Variants in GLCCI1 observed in about 807,000 individuals in gnomAD.
GLCCI1 encodes glucocorticoid-induced transcript 1 protein.
A neutral mutation model predicts 52.2 loss-of-function variants in GLCCI1; 24 were observed. That is an observed-to-expected ratio of 0.46 (90% CI 0.33 to 0.65). The LOEUF is 0.65. Ranked by LOEUF, GLCCI1 falls within the 30% of genes least tolerant of loss-of-function variation. GLCCI1 has a pLI of 0.02. For synonymous variants in GLCCI1, 310 were observed against 276.5 expected, an observed-to-expected ratio of 1.12 and a Z score of -1.20; for missense variants, 704 against 701.5, an observed-to-expected ratio of 1.00 and a Z score of -0.04.
At chr7:8,050,263 A>G (rs990907244) in intron 3 of GLCCI1, among the ~76,000 whole-genome samples, 2 of 152,270 alleles carry the variant, frequency 1.3e-5, no homozygotes, top group South Asian at 4.1e-4. Flanking sequence ...GTTTGTGTGC[A>G]TGTGTTGAAT....
intron 1 of GLCCI1, among the ~76,000 whole-genome samples, chr7:7,978,199 A>C (rs572774122): frequency 6.6e-6 from 1 of 152,312 alleles, no homozygotes; most frequent in South Asian, 2.1e-4. Context: ...TTCCTTTCAC[A>C]TGAAATTTCA....
At chr7:7,989,572 C>A (rs1246502671) in intron 1 of GLCCI1, among the ~76,000 whole-genome samples, 1 of 152,030 alleles carries the variant, frequency 6.6e-6, no homozygotes, top group Non-Finnish European at 1.5e-5. Context: ...CTACTTGAGG[C>A]TCTTCCCAAA....
intron 3 of GLCCI1, among the ~76,000 whole-genome samples, chr7:8,031,134 G>C (rs1360996819): frequency 6.6e-6 from 1 of 152,120 alleles, no homozygotes; most frequent in African/African-American, 2.4e-5. Context: ...TTTGGAAGCA[G>C]CCTAAGTGTC....
rs1189206828 is a variant in GLCCI1 at position 8,060,229 on chromosome 7, G to A, written c.947G>A (p.Gly316Glu). 2.5e-6 allele frequency: 4 copies of A among 1,611,058 alleles called. No homozygotes were observed. In the East Asian group the frequency reaches 8.9e-5, roughly 36 times the overall value. ...LEKVFIKENN[G>E]KEEVSKPLDI... Reference sequence around the variant, plus strand: ...AAGGTATTCATTAAAGAAAATAATGGGAAGGAAGAAGTATCCAAGGTAAGG... The same window carrying A: ...AAGGTATTCATTAAAGAAAATAATGAGAAGGAAGAAGTATCCAAGGTAAGG... Residue 316 changes from glycine to glutamate, a missense_variant, in exon 5 of 8, where the codon GGG (glycine) becomes GAG (glutamate). By Grantham distance (98) the Gly-to-Glu change is moderately conservative. Transcript: ENST00000223145.
At chr7:7,985,956 A>T (rs1780718391) in intron 1 of GLCCI1, among the ~76,000 whole-genome samples, 1 of 152,202 alleles carries the variant, frequency 6.6e-6, no homozygotes, top group Non-Finnish European at 1.5e-5. Flanking sequence ...GCTGGAAATG[A>T]GTATTTTTAT....
At chr7:8,073,944 C>T (rs1365962546) in intron 6 of GLCCI1, among the ~76,000 whole-genome samples, 1 of 152,034 alleles carries the variant, frequency 6.6e-6, no homozygotes, top group African/African-American at 2.4e-5. Context: ...TACAAGGTTT[C>T]TAGTTCTCAA....
At chr7:8,000,674 G>T (rs1781034479) in intron 1 of GLCCI1, among the ~76,000 whole-genome samples, 1 of 151,706 alleles carries the variant, frequency 6.6e-6, no homozygotes, top group Admixed American at 6.6e-5. Context: ...GCAGAAGGGG[G>T]TCATAATATT....
intron 3 of GLCCI1, among the ~76,000 whole-genome samples, chr7:8,046,444 C>G (rs1054927635): frequency 1.2e-4 from 18 of 152,196 alleles, no homozygotes; most frequent in Non-Finnish European, 1.8e-4. Context: ...CAGCATTTAA[C>G]ATCAACACAG....
At chr7:8,015,804 T>G (rs951628361) in intron 2 of GLCCI1, among the ~76,000 whole-genome samples, 5 of 152,256 alleles carry the variant, frequency 3.3e-5, no homozygotes, top group Admixed American at 6.5e-5. Context: ...TAATACGTTA[T>G]GTGTTCATTT....
chr7:8,054,186 C>G (rs1422005271), intron 3 of GLCCI1, among the ~76,000 whole-genome samples: 2 of 151,952 alleles, frequency 1.3e-5, no homozygotes, highest in Non-Finnish European at 2.9e-5. Context: ...AATCCTATTT[C>G]TTTTTTATCA....
At chr7:8,028,700 G>C (rs1781681174) in intron 3 of GLCCI1, among the ~76,000 whole-genome samples, 1 of 151,286 alleles carries the variant, frequency 6.6e-6, no homozygotes, top group Admixed American at 6.6e-5. Flanking sequence ...AGATAAAATT[G>C]ACAAACCTGT....
At chr7:7,975,237 C>T (rs1043564041) in intron 1 of GLCCI1, among the ~76,000 whole-genome samples, 6 of 152,116 alleles carry the variant, frequency 3.9e-5, no homozygotes, top group Admixed American at 6.5e-5. Context: ...ATTTTACTTA[C>T]GAACAAATTG....
intron 3 of GLCCI1, among the ~76,000 whole-genome samples, chr7:8,023,588 C>CTT (rs571726894): frequency 0.012 from 488 of 41,974 alleles, 150 homozygotes; most frequent in Middle Eastern, 0.042. Context: ...CTCTGTTATT[C>CTT]TTTTTTTTTT....
chr7:8,014,628 A>G (rs1468432289), intron 2 of GLCCI1, among the ~76,000 whole-genome samples: 4 of 152,184 alleles, frequency 2.6e-5, no homozygotes, highest in Admixed American at 2.6e-4. Flanking sequence ...CACAGTATAA[A>G]TATCATCTGA....
chr7:8,068,183 T>C (rs1782675385), intron 5 of GLCCI1, among the ~76,000 whole-genome samples: 1 of 152,132 alleles, frequency 6.6e-6, no homozygotes, highest in Non-Finnish European at 1.5e-5. Flanking sequence ...ACCCCATCTC[T>C]ACTAAAAATA....
chr7:8,061,033 T>A (rs1253021944), intron 5 of GLCCI1, among the ~76,000 whole-genome samples: 1 of 152,164 alleles, frequency 6.6e-6, no homozygotes, highest in Non-Finnish European at 1.5e-5. Context: ...AAGTGATATA[T>A]CATTGTGGTG....
chr7:7,991,858 G>T (rs189794202), intron 1 of GLCCI1, among the ~76,000 whole-genome samples: 37 of 152,132 alleles, frequency 2.4e-4, no homozygotes, highest in African/African-American at 8.7e-4. Context: ...CTTTGTGAGT[G>T]TCAGGCTTGG....
At chr7:7,992,986 T>A (rs1780872060) in intron 1 of GLCCI1, among the ~76,000 whole-genome samples, 1 of 152,152 alleles carries the variant, frequency 6.6e-6, no homozygotes, top group South Asian at 2.1e-4. Context: ...ATGAGGTTTT[T>A]CATCACTGTT....
At chr7:7,991,848 C>G (rs1256078152) in intron 1 of GLCCI1, among the ~76,000 whole-genome samples, 1 of 152,004 alleles carries the variant, frequency 6.6e-6, no homozygotes, top group African/African-American at 2.4e-5. Context: ...GCACTTGGAA[C>G]TTTGTGAGTG....
Sources: gnomAD v4.1 joint callset for allele counts (sites outside exome capture counted in the v4.1 genomes callset) on GRCh38, gnomAD v4.1.1 for gene constraint, MANE v1.5 for transcripts, NCBI Gene and HGNC (gene_info 2026-07-23, HGNC 2026-07-21) for gene names.